The following JARID2 variants were observed in gnomAD, a reference collection of about 807,000 sequenced individuals.
The protein encoded by JARID2 is jumonji and AT-rich interaction domain containing 2, also known as protein Jumonji.
A neutral mutation model predicts 125.6 loss-of-function variants in JARID2; 21 were observed. The observed-to-expected ratio is 0.17, with a 90% CI of 0.12 to 0.24. JARID2 has a LOEUF of 0.24. Ranked by LOEUF, JARID2 falls within the 10% of genes least tolerant of loss-of-function variation. The pLI is 1.00. For synonymous variants in JARID2, 736 were observed against 661.6 expected, an observed-to-expected ratio of 1.11 and a Z score of -1.73; for missense variants, 1,303 against 1,639.6, an observed-to-expected ratio of 0.79 and a Z score of 3.55.
chr6:15,521,591 T>C lies in JARID2; in HGVS notation c.*1340T>C, dbSNP rs1771855901. ...AGTAGCTGTTGCCCTTCTCCGGTTG[T>C]GTGTACAGTATGTGTGGAATAAAAA... On this transcript the variant is annotated 3_prime_UTR_variant, in exon 18 of 18. Coordinates refer to ENST00000341776, the MANE Select transcript of JARID2 (RefSeq NM_004973.4). 1 of 152,182 alleles carries C rather than the reference T, an allele frequency of 6.6e-6. No individual in the cohort carries two copies. The highest frequency in any genetic ancestry group is 1.9e-4 in the East Asian group (1 of 5,206). The allele number at this position is 152,182 out of a possible 1,614,324, so 9.4% of individuals were successfully genotyped here.
intron 17 of JARID2, among the ~76,000 whole-genome samples, chr6:15,519,628 G>A (rs1048419844): frequency 2.2e-4 from 33 of 152,208 alleles, no homozygotes; most frequent in African/African-American, 7.7e-4. Flanking sequence ...GAATTACAAG[G>A]ATATGTATAG....
intron 1 of JARID2, among the ~76,000 whole-genome samples, chr6:15,347,474 C>A (rs981741700): frequency 6.6e-6 from 1 of 152,096 alleles, no homozygotes; most frequent in Non-Finnish European, 1.5e-5. Flanking sequence ...TTCCCTGATT[C>A]CTCACGTGGT....
chr6:15,416,248 C>T (rs1213264917), intron 3 of JARID2, among the ~76,000 whole-genome samples: 4 of 151,468 alleles, frequency 2.6e-5, no homozygotes, highest in Non-Finnish European at 5.9e-5. Flanking sequence ...AGACGATGGG[C>T]GGCCAGGCAG....
intron 1 of JARID2, among the ~76,000 whole-genome samples, chr6:15,366,241 A>C (rs1469425918): frequency 2.0e-5 from 3 of 152,174 alleles, no homozygotes; most frequent in African/African-American, 7.2e-5. Flanking sequence ...ATTCATGTAC[A>C]GGATTCCAGT....
chr6:15,452,615 G>A (rs1561872182), intron 4 of JARID2, among the ~76,000 whole-genome samples: 1 of 152,070 alleles, frequency 6.6e-6, no homozygotes, highest in Non-Finnish European at 1.5e-5. Flanking sequence ...AGGGACTTAC[G>A]GTTCTCTCAG....
At chr6:15,262,977 C>T (rs1363380050) in intron 1 of JARID2, among the ~76,000 whole-genome samples, 4 of 152,102 alleles carry the variant, frequency 2.6e-5, no homozygotes, top group Non-Finnish European at 5.9e-5. Flanking sequence ...AGCTGTGTTT[C>T]AGTTCATGCC....
intron 4 of JARID2, among the ~76,000 whole-genome samples, chr6:15,467,478 T>C (rs1768796255): frequency 6.6e-6 from 1 of 152,316 alleles, no homozygotes; most frequent in Middle Eastern, 3.4e-3. Context: ...AATGACTTGA[T>C]TGTATTTCCT....
intron 1 of JARID2, among the ~76,000 whole-genome samples, chr6:15,351,562 G>A (rs756034418): frequency 5.3e-5 from 8 of 152,158 alleles, no homozygotes; most frequent in Non-Finnish European, 8.8e-5. Flanking sequence ...GTTGGTGCAT[G>A]TGTAGCGTCT....
intron 3 of JARID2, among the ~76,000 whole-genome samples, chr6:15,423,463 A>T (rs775951133): frequency 6.4e-4 from 98 of 152,268 alleles, no homozygotes; most frequent in Non-Finnish European, 1.0e-3. Context: ...AAGAGTTTGG[A>T]TGGGGAATGT....
At chr6:15,289,840 T>A (rs1761140650) in intron 1 of JARID2, among the ~76,000 whole-genome samples, 1 of 152,126 alleles carries the variant, frequency 6.6e-6, no homozygotes, top group Non-Finnish European at 1.5e-5. Flanking sequence ...AGTGAGACTC[T>A]GTCTCAAAAA....
chr6:15,317,216 A>C (rs894342990), intron 1 of JARID2, among the ~76,000 whole-genome samples: 2 of 152,196 alleles, frequency 1.3e-5, no homozygotes, highest in African/African-American at 4.8e-5. Context: ...GAAAGGGGTA[A>C]GAAATAGCTC....
At chr6:15,478,375 C>T (rs772925371) in intron 5 of JARID2, among the ~76,000 whole-genome samples, 1 of 152,100 alleles carries the variant, frequency 6.6e-6, no homozygotes, top group Non-Finnish European at 1.5e-5. Flanking sequence ...GGTGGGGTCA[C>T]TACTCTCAGG....
In JARID2 at chr6:15,306,538, A is replaced by G. The variant is rs374444085; in HGVS notation, c.45+59954A>G. Among the ~76,000 whole-genome samples the G allele has an allele frequency of 1.7e-3, 260 of 151,836 alleles. 1 individual carries two copies. The highest frequency in any genetic ancestry group is 5.8e-3 in the African/African-American group (240 of 41,426). ...TAGTTAGTAGAGACAGGGTCTCACC[A>G]TGTTGGCCAGGATGGTCTTGAACTC... is the stretch of plus-strand genomic sequence containing the variant. On this transcript the variant is annotated intron_variant, in intron 1 of 17. Coordinates refer to ENST00000341776, the MANE Select transcript of JARID2 (RefSeq NM_004973.4).
intron 1 of JARID2, among the ~76,000 whole-genome samples, chr6:15,333,210 G>A (rs565912626): frequency 6.6e-6 from 1 of 152,222 alleles, no homozygotes; most frequent in African/African-American, 2.4e-5. Flanking sequence ...GGGATTGCAG[G>A]CATGAGCCAC....
chr6:15,357,425 AT>A, intron 1 of JARID2, among the ~76,000 whole-genome samples: 1 of 152,340 alleles, frequency 6.6e-6, no homozygotes, highest in Non-Finnish European at 1.5e-5. Context: ...TATGGATGTG[AT>A]TTAAACATTA....
intron 1 of JARID2, among the ~76,000 whole-genome samples, chr6:15,372,645 C>T (rs116917790): frequency 4.4e-4 from 67 of 151,804 alleles, no homozygotes; most frequent in Non-Finnish European, 6.2e-4. Flanking sequence ...TGAGCCACTG[C>T]GCCAAGCCGT....
chr6:15,437,736 G>A (rs1307311453), intron 3 of JARID2, among the ~76,000 whole-genome samples: 4 of 151,928 alleles, frequency 2.6e-5, no homozygotes, highest in Admixed American at 2.6e-4. Flanking sequence ...CCCGGGAGGC[G>A]GAGGTTGCAG....
At chr6:15,473,191 T>C (rs1476807600) in intron 5 of JARID2, among the ~76,000 whole-genome samples, 2 of 152,264 alleles carry the variant, frequency 1.3e-5, no homozygotes, top group Admixed American at 1.3e-4. Flanking sequence ...TGGTGAATGA[T>C]ATTAACCATT....
intron 1 of JARID2, among the ~76,000 whole-genome samples, chr6:15,289,405 TTA>T (rs1761121639): frequency 1.3e-5 from 2 of 149,340 alleles, no homozygotes; most frequent in South Asian, 4.1e-4. Context: ...TTTGTTACTA[TTA>T]TATTAAAATA....
Sources: gnomAD v4.1 joint callset for allele counts (sites outside exome capture counted in the v4.1 genomes callset) on GRCh38, gnomAD v4.1.1 for gene constraint, MANE v1.5 for transcripts, NCBI Gene and HGNC (gene_info 2026-07-23, HGNC 2026-07-21) for gene names.